VTI1A: variants seen among roughly 807,000 people sequenced by gnomAD.
VTI1A encodes the protein vesicle transport through interaction with t-SNAREs homolog 1A.
In VTI1A, 22 loss-of-function variants were observed where a neutral mutation model predicts 34.9. The observed-to-expected ratio is 0.63, with a 90% confidence interval of 0.45 to 0.90. VTI1A has a LOEUF of 0.90. Ranked by LOEUF, VTI1A falls within the 40% of genes least tolerant of loss-of-function variation. The pLI, the probability that VTI1A is intolerant of heterozygous loss-of-function variation, is 0.00. For missense variants in VTI1A, 268 were observed against 275.6 expected (o/e 0.97, Z 0.20); for synonymous variants, 87 against 97.3 (o/e 0.89, Z 0.62).
In VTI1A at chr10:112,737,893, C is replaced by T. The variant is rs73350600; in HGVS notation, c.560+68895C>T. 1,248 of 1,061,982 alleles carry T rather than the reference C, an allele frequency of 1.2e-3. 12 individuals carry two copies. The African/African-American group carries it at 0.019, about 16-fold the overall frequency. The allele number at this position is 1,061,982 out of a possible 1,614,324, so 65.8% of individuals were successfully genotyped here. ...GAGCCGTAGGATCGATGCCTTTCAG[C>T]GAGTGTGAGGGAGAGAGCTGAGGAT... is the stretch of plus-strand genomic sequence containing the variant. On this transcript the variant is annotated intron_variant, in intron 7 of 7. Coordinates refer to ENST00000393077, the MANE Select transcript of VTI1A (RefSeq NM_145206.4).
In VTI1A at chr10:112,762,654, G is replaced by A. The variant is rs183423825; in HGVS notation, c.561-52636G>A. On this transcript the variant is annotated intron_variant, in intron 7 of 7. Coordinates refer to ENST00000393077, the MANE Select transcript of VTI1A (RefSeq NM_145206.4). ...TACAGGTCATTGTAATTATGCAAGG[G>A]ATATGCAGTCATTAGCGTCAGTATT... 1.3e-3 allele frequency among the ~76,000 whole-genome samples: 202 copies of A among 152,292 alleles called. 1 individual carries two copies. Among genetic ancestry groups the A allele is most frequent in the African/African-American group, 4.5e-3 (187 of 41,558 alleles).
intron 7 of VTI1A, among the ~76,000 whole-genome samples, chr10:112,787,707 T>C (rs909973452): frequency 4.4e-5 from 6 of 136,810 alleles, no homozygotes; most frequent in African/African-American, 7.8e-5. Context: ...TCTTTTTTTT[T>C]TTTTTTTTTT....
In VTI1A at chr10:112,555,310, T is replaced by C. The variant is rs1007513158; in HGVS notation, c.427+16980T>C. ...GGAGAGATTCCATATGTCAATATCA[T>C]GAAGAAGCCAAATGCTGGTAAAACA... On this transcript the variant is annotated intron_variant, in intron 5 of 7. Coordinates refer to ENST00000393077, the MANE Select transcript of VTI1A (RefSeq NM_145206.4). Among the ~76,000 whole-genome samples, 8 of 152,120 alleles carry C rather than the reference T, an allele frequency of 5.3e-5. No homozygotes were observed. In the East Asian group the frequency reaches 1.5e-3, roughly 29 times the overall value.
At chr10:112,718,490 A>G (rs1849685317) in intron 7 of VTI1A, among the ~76,000 whole-genome samples, 1 of 152,248 alleles carries the variant, frequency 6.6e-6, no homozygotes, top group South Asian at 2.1e-4. Flanking sequence ...GCTATCTTTA[A>G]TGAAGACTTT....
the VTI1A span, among the ~76,000 whole-genome samples, chr10:112,843,857 C>T: frequency 4.6e-5 from 7 of 152,094 alleles, no homozygotes; most frequent in South Asian, 2.1e-4. Flanking sequence ...AGGCCTACCA[C>T]GTGATCTTAG....
At chr10:112,540,557 G>A (rs1055330229) in intron 5 of VTI1A, among the ~76,000 whole-genome samples, 4 of 152,138 alleles carry the variant, frequency 2.6e-5, no homozygotes, top group African/African-American at 9.7e-5. Flanking sequence ...TTACTTTTGT[G>A]GATGAATTTG....
chr10:112,594,035 G>C (rs912415769), intron 5 of VTI1A, among the ~76,000 whole-genome samples: 1 of 152,088 alleles, frequency 6.6e-6, no homozygotes, highest in Non-Finnish European at 1.5e-5. Flanking sequence ...TCAGCCTCCC[G>C]AGCAGCTGGG....
chr10:112,597,933 A>T (rs367875593), intron 5 of VTI1A, among the ~76,000 whole-genome samples: 1 of 148,714 alleles, frequency 6.7e-6, no homozygotes, highest in South Asian at 2.1e-4. Flanking sequence ...TCCTGACCTC[A>T]TGATCCGCCC....
At chr10:112,734,542 T>G (rs1850386283) in intron 7 of VTI1A, among the ~76,000 whole-genome samples, 1 of 152,194 alleles carries the variant, frequency 6.6e-6, no homozygotes, top group Non-Finnish European at 1.5e-5. Context: ...AAAGGGCTCT[T>G]TGTAAATTTC....
the VTI1A span, among the ~76,000 whole-genome samples, chr10:112,850,446 G>A: frequency 2.6e-5 from 4 of 151,988 alleles, no homozygotes; most frequent in Admixed American, 2.0e-4. Flanking sequence ...AGAAGAGGGT[G>A]AGGGGGAGCA....
chr10:112,780,243 C>T (rs1229602732), intron 7 of VTI1A, among the ~76,000 whole-genome samples: 1 of 150,750 alleles, frequency 6.6e-6, no homozygotes, highest in Non-Finnish European at 1.5e-5. Flanking sequence ...TGCACTCCAG[C>T]CTGGGAGACA....
intron 3 of VTI1A, among the ~76,000 whole-genome samples, chr10:112,490,577 A>C (rs1161221024): frequency 6.6e-6 from 1 of 150,738 alleles, no homozygotes; most frequent in East Asian, 1.9e-4. Context: ...GGGGCTGCAG[A>C]TTCTTAGTCT....
At chr10:112,471,849 G>A (rs1249703262) in intron 3 of VTI1A, among the ~76,000 whole-genome samples, 2 of 151,894 alleles carry the variant, frequency 1.3e-5, no homozygotes, top group Non-Finnish European at 1.5e-5. Flanking sequence ...AGATTAGTTT[G>A]CTTCTTAAGA....
rs1377783066 is a variant in VTI1A, at chr10:112,783,122, CAT to C, written c.561-32162_561-32161del. Among the ~76,000 whole-genome samples the C allele has an allele frequency of 2.0e-5, 3 of 152,264 alleles. No individual in the cohort carries two copies. The South Asian group carries it at 6.2e-4, about 32-fold the overall frequency. ...AGCCATAATTAAGTGAAGACAAAAA[CAT>C]ATATACATTGAATGAAAGGTGTGTA... On this transcript the variant is annotated intron_variant, in intron 7 of 7. Coordinates refer to ENST00000393077, the MANE Select transcript of VTI1A (RefSeq NM_145206.4).
At chr10:112,795,475 C>T (rs1191756140) in intron 7 of VTI1A, among the ~76,000 whole-genome samples, 1 of 144,346 alleles carries the variant, frequency 6.9e-6, no homozygotes, top group Non-Finnish European at 1.5e-5. Flanking sequence ...TGCTCTGTCA[C>T]CCAGGCTGCA....
chr10:112,752,286 C>G (rs748239617), intron 7 of VTI1A: 4 of 851,504 alleles, frequency 4.7e-6, no homozygotes, highest in African/African-American at 1.8e-5. Flanking sequence ...TGGCTCCAGC[C>G]AGGGTCCCCT....
At chr10:112,839,775 G>A in the VTI1A span, among the ~76,000 whole-genome samples, 2 of 152,170 alleles carry the variant, frequency 1.3e-5, no homozygotes, top group Admixed American at 6.5e-5. Flanking sequence ...AGGCAAAGCA[G>A]GGCCACTTCC....
intron 7 of VTI1A, among the ~76,000 whole-genome samples, chr10:112,741,167 A>G (rs905679449): frequency 6.6e-6 from 1 of 152,170 alleles, no homozygotes; most frequent in Non-Finnish European, 1.5e-5. Context: ...AAGAGTGACT[A>G]TTAATGGGCC....
intron 5 of VTI1A, among the ~76,000 whole-genome samples, chr10:112,630,887 T>C (rs1412787169): frequency 3.3e-5 from 5 of 152,112 alleles, no homozygotes; most frequent in Non-Finnish European, 7.4e-5. Context: ...TTTGGGAGGC[T>C]GAGGGGGGCG....
Sources: gnomAD v4.1 joint callset for allele counts (sites outside exome capture counted in the v4.1 genomes callset) on GRCh38, gnomAD v4.1.1 for gene constraint, MANE v1.5 for transcripts, NCBI Gene and HGNC (gene_info 2026-07-23, HGNC 2026-07-21) for gene names.